Variants in INPP5D observed in about 807,000 individuals in gnomAD.
INPP5D encodes the protein inositol polyphosphate-5-phosphatase D, also known as phosphatidylinositol 3,4,5-trisphosphate 5-phosphatase 1.
A neutral mutation model predicts 122.9 loss-of-function variants in INPP5D; 33 were observed. The observed-to-expected ratio is 0.27, with a 90% confidence interval of 0.20 to 0.36. INPP5D has a LOEUF of 0.36. INPP5D is among the 10% of genes least tolerant of loss of function. The pLI, the probability that INPP5D is intolerant of heterozygous loss-of-function variation, is 1.00. For synonymous variants in INPP5D, 584 were observed against 576.2 expected, an observed-to-expected ratio of 1.01 and a Z score of -0.19; for missense variants, 1,053 against 1,412.7, an observed-to-expected ratio of 0.75 and a Z score of 4.08.
chr2:233,147,321 G>A (rs1032390788), intron 8 of INPP5D, 150 bp from the exon 9 acceptor site: 22 of 604,134 alleles, frequency 3.6e-5, no homozygotes, highest in African/African-American at 1.1e-4. Context: ...AAACATGCAC[G>A]TGCGCCGCTG....
chr2:233,159,093 C>T (rs576654645), intron 10 of INPP5D, among the ~76,000 whole-genome samples: 4 of 152,238 alleles, frequency 2.6e-5, no homozygotes, highest in African/African-American at 9.6e-5. Context: ...ATCTGAGTCT[C>T]GACTGGAGCT....
rs1453234185 is a variant in INPP5D, at chr2:233,207,793, A to T, written c.*1085A>T. ...TTATGTTGCTTTTTCAACATAGCAGAATTAATGTAGGGAGCTAAATCCAGT... is the reference window on the plus strand; with the variant it reads ...TTATGTTGCTTTTTCAACATAGCAGTATTAATGTAGGGAGCTAAATCCAGT... On this transcript the variant is annotated 3_prime_UTR_variant, in exon 27 of 27. Coordinates refer to ENST00000445964, the MANE Select transcript of INPP5D (RefSeq NM_001017915.3). The surrounding 1 kb of genome is among the most constrained non-coding windows in gnomAD (Gnocchi z 4.6). 6.6e-6 allele frequency: 1 copy of T among 152,316 alleles called. No individual in the cohort carries two copies. Among genetic ancestry groups the T allele is most frequent in the Non-Finnish European group, 1.5e-5 (1 of 68,048 alleles). The allele number at this position is 152,316 out of a possible 1,614,324, so 9.4% of individuals were successfully genotyped here. A position where few individuals can be genotyped will look rare whatever the true frequency, so the allele number is the denominator to read the frequency against.
At position 233,177,844 on chromosome 2, in the gene INPP5D, A is replaced by G. The variant is rs1348071778; in HGVS notation, c.2071+498A>G. 1.3e-5 allele frequency among the ~76,000 whole-genome samples: 2 copies of G among 152,154 alleles called. No individual in the cohort carries two copies. Among genetic ancestry groups the G allele is most frequent in the African/African-American group, 4.8e-5 (2 of 41,426 alleles). ...CCCACCTCGGCCTCCCAAAGTGCTGAGATTACAGGCATGAGCCACCGCGGC... is the reference window on the plus strand; with the variant it reads ...CCCACCTCGGCCTCCCAAAGTGCTGGGATTACAGGCATGAGCCACCGCGGC... On this transcript the variant is annotated intron_variant, in intron 18 of 26. Transcript: ENST00000445964. The surrounding 1 kb of genome is among the most constrained non-coding windows in gnomAD (Gnocchi z 4.2).
intron 22 of INPP5D, among the ~76,000 whole-genome samples, chr2:233,193,594 T>G (rs1695106773): frequency 6.6e-6 from 1 of 152,182 alleles, no homozygotes; most frequent in African/African-American, 2.4e-5. Flanking sequence ...TCTGCTGCAT[T>G]TTCTACAATA....
In INPP5D at chr2:233,146,446, G is replaced by A. The variant is rs1240137192; in HGVS notation, c.906+8G>A. The A allele has an allele frequency of 5.7e-6, 4 of 703,916 alleles. No individual in the cohort carries two copies. Among genetic ancestry groups the A allele is most frequent in the Non-Finnish European group, 1.0e-5 (4 of 385,020 alleles). The allele number at this position is 703,916 out of a possible 1,614,324, so 43.6% of individuals were successfully genotyped here. On this transcript the variant is annotated splice_region_variant and intron_variant, in intron 8 of 26. Transcript: ENST00000445964. Reference sequence around the variant, plus strand: ...CCTCCAGTCACCTTTGAGGTAAGTGGCCATGGGACAGCAGAGCCTGGGCTT... The same window carrying A: ...CCTCCAGTCACCTTTGAGGTAAGTGACCATGGGACAGCAGAGCCTGGGCTT...
intron 23 of INPP5D, among the ~76,000 whole-genome samples, 167 bp from the exon 24 acceptor site, chr2:233,195,232 A>C (rs1695150796): frequency 6.6e-6 from 1 of 152,132 alleles, no homozygotes; most frequent in African/African-American, 2.4e-5. Context: ...ATAACTAATC[A>C]ATCACTGAAC....
intron 18 of INPP5D, among the ~76,000 whole-genome samples, chr2:233,182,002 A>T (rs1694797934): frequency 6.6e-6 from 1 of 152,192 alleles, no homozygotes; most frequent in Admixed American, 6.5e-5. Context: ...TGGCTGAGGC[A>T]TGAGAATTGC....
intron 26 of INPP5D, among the ~76,000 whole-genome samples, chr2:233,205,985 A>T (rs1695488417): frequency 6.6e-6 from 1 of 152,132 alleles, no homozygotes; most frequent in Non-Finnish European, 1.5e-5. Flanking sequence ...AGGCTGAGAC[A>T]GGAGAATTGC....
At chr2:233,156,018 G>T (rs944324326) in intron 9 of INPP5D, among the ~76,000 whole-genome samples, 2 of 152,242 alleles carry the variant, frequency 1.3e-5, no homozygotes, top group Non-Finnish European at 2.9e-5. Flanking sequence ...ACATTGAAAG[G>T]ATATAGAGCA....
At position 233,064,543 on chromosome 2, in the gene INPP5D, T is replaced by C. The variant is rs560163202; in HGVS notation, c.134+3931T>C. ...CATTCTAGGCTTATATTGACTCATT[T>C]GATGTCCACGAAGACCTTCAAAGGA... On this transcript the variant is annotated intron_variant, in intron 1 of 26. Transcript: ENST00000445964. Among the ~76,000 whole-genome samples, 8 of 152,384 alleles carry C rather than the reference T, an allele frequency of 5.2e-5. No homozygotes were observed. In the East Asian group the frequency reaches 1.5e-3, roughly 29 times the overall value.
At chr2:233,165,441 C>T (rs7567663) in intron 13 of INPP5D, among the ~76,000 whole-genome samples, 7,043 of 149,542 alleles carry the variant, frequency 0.047, 547 homozygotes, top group African/African-American at 0.17. Flanking sequence ...TGTACCACCC[C>T]GTATCTATGA....
chr2:233,067,168 C>T (rs767445025), intron 1 of INPP5D, among the ~76,000 whole-genome samples: 37 of 152,172 alleles, frequency 2.4e-4, no homozygotes, highest in Admixed American at 5.9e-4. Context: ...CTCAATACCT[C>T]GAAAAGAAAA....
At chr2:233,169,750 G>C (rs540476877) in intron 14 of INPP5D, 6 of 602,028 alleles carry the variant, frequency 1.0e-5, no homozygotes, top group African/African-American at 9.2e-5. Flanking sequence ...CAGCCATCTA[G>C]AATCTTCACT....
Position 233,168,987 on chromosome 2 carries a change from CT to C in INPP5D, c.1556-316del, listed in dbSNP as rs1257436125. ...GAGATCAGCCCACCCAGGCTGGAAC[CT>C]TCTGAATCTTCCCAGGGCTTCTGGC... On this transcript the variant is annotated intron_variant, in intron 13 of 26. Transcript: ENST00000445964. The C allele has an allele frequency of 4.1e-5, 13 of 320,698 alleles. No homozygotes were observed. In the East Asian group the frequency reaches 7.9e-4, roughly 19 times the overall value. The allele number at this position is 320,698 out of a possible 1,614,324, so 19.9% of individuals were successfully genotyped here.
chr2:233,200,359 C>A (rs1024774956), intron 25 of INPP5D, among the ~76,000 whole-genome samples: 12 of 152,258 alleles, frequency 7.9e-5, no homozygotes, highest in African/African-American at 2.9e-4. Context: ...CAATTACCAA[C>A]GATTTAAGAT....
rs771238522 is a variant in INPP5D, at chr2:233,160,783, C to T, written c.1138-941C>T. ...TAAGTTGGGAGGGACTACAGGCATG[C>T]ACCACCATGCCTGGCTAATTTTTTT... On this transcript the variant is annotated intron_variant, in intron 10 of 26. Transcript: ENST00000445964. The surrounding 1 kb of genome is among the most constrained non-coding windows in gnomAD (Gnocchi z 4.2). Among the ~76,000 whole-genome samples, 14 of 152,032 alleles carry T rather than the reference C, an allele frequency of 9.2e-5. No individual in the cohort carries two copies. Among genetic ancestry groups the T allele is most frequent in the Non-Finnish European group, 1.8e-4 (12 of 67,988 alleles).
intron 2 of INPP5D, among the ~76,000 whole-genome samples, chr2:233,085,214 C>T (rs1373039907): frequency 2.6e-5 from 4 of 152,056 alleles, no homozygotes; most frequent in African/African-American, 7.2e-5. Context: ...GGTGAAACCC[C>T]GTCTCTACTA....
At position 233,170,667 on chromosome 2, in the gene INPP5D, G is replaced by T. The variant is rs535082694; in HGVS notation, c.1900+63G>T. ...ACCTGTAATCCCAGCACTTTAGGAG[G>T]CCGAGGCGGGCGGATCACGAGATCA... is the stretch of plus-strand genomic sequence containing the variant. On this transcript the variant is annotated intron_variant, in intron 16 of 26. Coordinates refer to ENST00000445964, the MANE Select transcript of INPP5D (RefSeq NM_001017915.3). This position sits in a 1 kb window ranked among gnomAD's most constrained non-coding sequence, Gnocchi z 4.5. 5.2e-5 allele frequency: 82 copies of T among 1,581,894 alleles called. No homozygotes were observed. The highest frequency in any genetic ancestry group is 6.7e-5 in the African/African-American group (5 of 74,146).
intron 5 of INPP5D, chr2:233,130,867 A>G (rs1170811488): frequency 2.9e-6 from 2 of 697,100 alleles, no homozygotes; most frequent in Non-Finnish European, 5.1e-6. Context: ...GCTTTTTACA[A>G]CTAAAGTTAA....
Sources: gnomAD v4.1 joint callset for allele counts (sites outside exome capture counted in the v4.1 genomes callset) on GRCh38, gnomAD v4.1.1 for gene constraint, Gnocchi (gnomAD v3.1) non-coding constraint, MANE v1.5 for transcripts, NCBI Gene and HGNC (gene_info 2026-07-23, HGNC 2026-07-21) for gene names.